The following LRFN5 variants were observed in gnomAD, a reference collection of about 807,000 sequenced individuals.
LRFN5 encodes leucine rich repeat and fibronectin type III domain containing 5, also known as leucine-rich repeat and fibronectin type-III domain-containing protein 5.
In LRFN5, 24 loss-of-function variants were observed where a neutral mutation model predicts 45.6. The ratio of observed to expected loss-of-function variants is 0.53; its 90% CI spans 0.38 to 0.74. The LOEUF is 0.74. Ranked by LOEUF, LRFN5 falls within the 30% of genes least tolerant of loss-of-function variation. LRFN5 has a pLI of 0.00. For missense variants in LRFN5, 776 were observed against 861.5 expected (o/e 0.90, Z 1.24); for synonymous variants, 340 against 313.8 (o/e 1.08, Z -0.88).
At chr14:41,823,518 G>T (rs1156355421) in intron 2 of LRFN5, among the ~76,000 whole-genome samples, 1 of 152,040 alleles carries the variant, frequency 6.6e-6, no homozygotes, top group Admixed American at 6.6e-5. Context: ...TGCACTGTTA[G>T]TCTTTTGGGA....
intron 1 of LRFN5, among the ~76,000 whole-genome samples, chr14:41,754,703 T>A (rs1056127556): frequency 1.3e-5 from 2 of 152,182 alleles, no homozygotes; most frequent in African/African-American, 4.8e-5. Context: ...TTGTTGATCT[T>A]TTCAAAAAAC....
At chr14:41,892,358 A>G in intron 4 of LRFN5, 1 of 984,814 alleles carries the variant, frequency 1.0e-6, no homozygotes, top group Non-Finnish European at 1.2e-6. Context: ...AAGGAAACAT[A>G]AATAAAATGG....
intron 2 of LRFN5, among the ~76,000 whole-genome samples, chr14:41,858,984 A>G (rs1594472092): frequency 1.3e-5 from 2 of 152,294 alleles, no homozygotes; most frequent in Admixed American, 1.3e-4. Context: ...GAATTGAGAG[A>G]AAGATCATTT....
chr14:41,760,939 C>A (rs1010462735), intron 1 of LRFN5, among the ~76,000 whole-genome samples: 2 of 152,112 alleles, frequency 1.3e-5, no homozygotes, highest in Admixed American at 6.6e-5. Context: ...TCACAGTAAG[C>A]CCCAATGTCC....
intron 1 of LRFN5, among the ~76,000 whole-genome samples, chr14:41,672,754 A>T (rs2138663005): frequency 6.6e-6 from 1 of 152,350 alleles, no homozygotes; most frequent in South Asian, 2.1e-4. Flanking sequence ...CAAGAGGCAC[A>T]GAAAGCCTCT....
rs1002699613 is a variant in LRFN5, at chr14:41,792,954, C to T, written c.-21+25925C>T. ...ATAGGTGGGAATTGAACAATGAGAA[C>T]ACATAGACATAGGAAGGGGAACATC... On this transcript the variant is annotated intron_variant, in intron 2 of 5. Transcript: ENST00000298119. 5.1e-5 allele frequency among the ~76,000 whole-genome samples: 7 copies of T among 138,242 alleles called. 1 individual carries two copies. The South Asian group carries it at 1.5e-3, about 30-fold the overall frequency. 90.7% of individuals were successfully genotyped at this position (138,242 alleles called of 152,430 possible). A position where few individuals can be genotyped will look rare whatever the true frequency, so the allele number is the denominator to read the frequency against.
intron 1 of LRFN5, among the ~76,000 whole-genome samples, chr14:41,613,474 A>C (rs992262079): frequency 1.3e-5 from 2 of 152,032 alleles, no homozygotes; most frequent in Non-Finnish European, 2.9e-5. Context: ...ATCAAAACTC[A>C]AAGCTCACAC....
rs538644457 is a variant in LRFN5 at position 41,810,115 on chromosome 14, T to G, written c.-21+43086T>G. Among the ~76,000 whole-genome samples the G allele has an allele frequency of 1.1e-3, 164 of 152,210 alleles. 2 individuals are homozygous for G. The highest frequency in any genetic ancestry group is 4.1e-4 in the South Asian group (2 of 4,830). Reference sequence around the variant, plus strand: ...AAAGCTGTGAATTCACTGAGTTGATTGAGATTTATGACATAATTGTAGACC... The same window carrying G: ...AAAGCTGTGAATTCACTGAGTTGATGGAGATTTATGACATAATTGTAGACC... On this transcript the variant is annotated intron_variant, in intron 2 of 5. Transcript: ENST00000298119.
chr14:41,800,392 C>T (rs1413632427), intron 2 of LRFN5, among the ~76,000 whole-genome samples: 1 of 151,842 alleles, frequency 6.6e-6, no homozygotes, highest in East Asian at 1.9e-4. Flanking sequence ...TATAACTAAA[C>T]TAAAATTGGT....
chr14:41,821,793 G>A (rs1009706816), intron 2 of LRFN5, among the ~76,000 whole-genome samples: 2 of 149,216 alleles, frequency 1.3e-5, no homozygotes, highest in African/African-American at 4.9e-5. Context: ...TTTTTTAATT[G>A]GGGTGGGGGG....
At chr14:41,893,145 C>T (rs1890837988) in intron 4 of LRFN5, 3 of 983,714 alleles carry the variant, frequency 3.0e-6, no homozygotes, top group African/African-American at 3.5e-5. Flanking sequence ...GCTATTTTAA[C>T]CAAAAACTGT....
At chr14:41,631,714 T>A (rs1888541042) in intron 1 of LRFN5, among the ~76,000 whole-genome samples, 1 of 152,054 alleles carries the variant, frequency 6.6e-6, no homozygotes, top group Admixed American at 6.6e-5. Context: ...TAATAAGTCA[T>A]GAGTATATCC....
At chr14:41,784,417 A>G (rs1001099064) in intron 2 of LRFN5, among the ~76,000 whole-genome samples, 8 of 151,882 alleles carry the variant, frequency 5.3e-5, no homozygotes, top group Non-Finnish European at 8.8e-5. Flanking sequence ...AAACACAGTA[A>G]TCATTTAGGT....
At chr14:41,822,854 T>TTG (rs1491503947) in intron 2 of LRFN5, among the ~76,000 whole-genome samples, 5 of 10,638 alleles carry the variant, frequency 4.7e-4, no homozygotes, top group Non-Finnish European at 8.3e-4. Context: ...TTTAGGGTTG[T>TTG]TTTTTTTTTT....
At chr14:41,749,558 A>G (rs8004036) in intron 1 of LRFN5, among the ~76,000 whole-genome samples, 8,536 of 152,188 alleles carry the variant, frequency 0.056, 820 homozygotes, top group African/African-American at 0.19. Flanking sequence ...TAGCAAACTA[A>G]CACAGGAACA....
At chr14:41,702,906 C>T (rs1882896727) in intron 1 of LRFN5, among the ~76,000 whole-genome samples, 1 of 152,020 alleles carries the variant, frequency 6.6e-6, no homozygotes, top group African/African-American at 2.4e-5. Flanking sequence ...TACTGAACTC[C>T]CTCCTGAGGC....
chr14:41,851,274 T>A (rs1889256497), intron 2 of LRFN5, among the ~76,000 whole-genome samples: 1 of 118,622 alleles, frequency 8.4e-6, no homozygotes, highest in Non-Finnish European at 1.7e-5. Flanking sequence ...CTTGGGGACT[T>A]TTCAGACTTA....
intron 1 of LRFN5, among the ~76,000 whole-genome samples, chr14:41,641,834 A>G (rs1879594534): frequency 6.6e-6 from 1 of 152,118 alleles, no homozygotes; most frequent in African/African-American, 2.4e-5. Context: ...ACACAAATCA[A>G]CTGATGTTCC....
intron 2 of LRFN5, among the ~76,000 whole-genome samples, chr14:41,768,928 A>C (rs1210335418): frequency 6.6e-6 from 1 of 152,142 alleles, no homozygotes; most frequent in Non-Finnish European, 1.5e-5. Context: ...AACCAGAAAT[A>C]ATTTATATGT....
Sources: gnomAD v4.1 joint callset for allele counts (sites outside exome capture counted in the v4.1 genomes callset) on GRCh38, gnomAD v4.1.1 for gene constraint, MANE v1.5 for transcripts, NCBI Gene and HGNC (gene_info 2026-07-23, HGNC 2026-07-21) for gene names.